Variants in RGP1 observed in about 807,000 individuals in gnomAD.
RGP1 encodes the protein RGP1 partner of RAB6A GEF complex.
In RGP1, 28 loss-of-function variants were observed where a neutral mutation model predicts 44.5. The observed-to-expected ratio is 0.63, with a 90% CI of 0.47 to 0.86. The LOEUF (loss-of-function observed/expected upper bound fraction) is 0.86, where lower values mean the gene tolerates loss of function less well. Ranked by LOEUF, RGP1 falls within the 40% of genes least tolerant of loss-of-function variation. The pLI is 0.00. For synonymous variants in RGP1, 212 were observed against 196.7 expected (o/e 1.08, Z -0.65); for missense variants, 417 against 490.7 (o/e 0.85, Z 1.42).
In RGP1 at chr9:35,750,573, G is replaced by C. The variant is rs890589139; in HGVS notation, c.254-85G>C. 206 of 1,464,604 alleles carry C rather than the reference G, an allele frequency of 1.4e-4. 1 individual carries two copies. The highest frequency in any genetic ancestry group is 2.4e-5 in the Non-Finnish European group (25 of 1,050,512). The allele number at this position is 1,464,604 out of a possible 1,614,324, so 90.7% of individuals were successfully genotyped here. ...CACAGCAGGGACGGAGGGCCTGGCA[G>C]CCTTTCACTATCTCCACTTGCCGTG... On this transcript the variant is annotated intron_variant, in intron 3 of 8. Transcript: ENST00000378078.
At chr9:35,770,833 T>C in the RGP1 span, among the ~76,000 whole-genome samples, 1 of 152,246 alleles carries the variant, frequency 6.6e-6, no homozygotes, top group Non-Finnish European at 1.5e-5. Flanking sequence ...GCTAAGCATC[T>C]CCCTAATAAA....
intron 4 of RGP1, 31 bp from the exon 5 acceptor site, chr9:35,750,809 C>T: frequency 6.2e-7 from 1 of 1,613,904 alleles, no homozygotes; most frequent in Non-Finnish European, 8.5e-7. Context: ...TCTGGTGCCT[C>T]TGGCTGTCCT....
In RGP1 at chr9:35,755,532, A is replaced by T. The variant is rs916598114; in HGVS notation, c.*2658A>T. ...AAACAATTTTTCCACCAGTGGATGG[A>T]GGGGGATAGCAGCGGGGAGATGATT... On this transcript the variant is annotated 3_prime_UTR_variant, in exon 9 of 9. Transcript: ENST00000378078. 1.3e-5 allele frequency: 2 copies of T among 152,228 alleles called. No individual in the cohort carries two copies. Among genetic ancestry groups the T allele is most frequent in the African/African-American group, 2.4e-5 (1 of 41,414 alleles). The allele number at this position is 152,228 out of a possible 1,614,324, so 9.4% of individuals were successfully genotyped here.
In RGP1 at chr9:35,755,285, G is replaced by A. The variant is rs1368813358; in HGVS notation, c.*2411G>A. The A allele has an allele frequency of 6.6e-6, 1 of 152,198 alleles. No individual in the cohort carries two copies. Among genetic ancestry groups the A allele is most frequent in the Non-Finnish European group, 1.5e-5 (1 of 68,038 alleles). 9.4% of individuals were successfully genotyped at this position (152,198 alleles called of 1,614,324 possible). ...GTGCAGTGCTCTTATCACCATCTCT[G>A]GTGCGTAAGCGTCAGGAAATAGCAG... On this transcript the variant is annotated 3_prime_UTR_variant, in exon 9 of 9. Coordinates refer to ENST00000378078, the MANE Select transcript of RGP1 (RefSeq NM_001080496.3).
At position 35,751,969 on chromosome 9, in the gene RGP1, T is replaced by G; in HGVS notation, c.776T>G (p.Leu259Ter). The change falls in exon 8 of 9, where the codon TTA (leucine) becomes TGA (stop). Residue 259 changes from leucine to a stop codon, truncating the protein, a stop_gained. Coordinates refer to ENST00000378078, the MANE Select transcript of RGP1 (RefSeq NM_001080496.3). LOFTEE classifies it high-confidence loss of function. ...TVACLQFSVS[L>*]QTEERVQPEY... ...TCTTGCTCCCAGTTTTCAGTCAGCT[T>G]ACAGACCGAGGAGCGTGTACAGCCT... 2 of 1,578,026 alleles carry G rather than the reference T, an allele frequency of 1.3e-6. No individual in the cohort carries two copies. Among genetic ancestry groups the G allele is most frequent in the Non-Finnish European group, 1.7e-6 (2 of 1,161,406 alleles).
At chr9:35,765,291 G>A in the RGP1 span, among the ~76,000 whole-genome samples, 1 of 152,174 alleles carries the variant, frequency 6.6e-6, no homozygotes, top group Non-Finnish European at 1.5e-5. Flanking sequence ...ACATATGTTT[G>A]CATTTTTTTA....
the RGP1 span, chr9:35,780,365 G>T: frequency 1.3e-5 from 2 of 152,212 alleles, no homozygotes; most frequent in African/African-American, 4.8e-5. Context: ...AAAGGGAGCA[G>T]AGTGTTATGG....
rs1455574436 is a variant in RGP1, at chr9:35,755,177, T to C, written c.*2303T>C. On this transcript the variant is annotated 3_prime_UTR_variant, in exon 9 of 9. Coordinates refer to ENST00000378078, the MANE Select transcript of RGP1 (RefSeq NM_001080496.3). The stretch of plus-strand genomic sequence containing the variant: ...TGTAACCTGGTCAGATTACTTCACC[T>C]CTCTGAGCCTGTTTCCTCATCTATA... 2 of 152,174 alleles carry C rather than the reference T, an allele frequency of 1.3e-5. No individual in the cohort carries two copies. The highest frequency in any genetic ancestry group is 2.9e-5 in the Non-Finnish European group (2 of 68,044). The allele number at this position is 152,174 out of a possible 1,614,324, so 9.4% of individuals were successfully genotyped here.
chr9:35,789,251 C>G, the RGP1 span, among the ~76,000 whole-genome samples: 3 of 151,812 alleles, frequency 2.0e-5, no homozygotes, highest in African/African-American at 4.8e-5. Flanking sequence ...CTCCTGACCT[C>G]AAACAATCCT....
chr9:35,782,661 GT>G, the RGP1 span, among the ~76,000 whole-genome samples: 1 of 152,066 alleles, frequency 6.6e-6, no homozygotes, highest in African/African-American at 2.4e-5. Context: ...GGTCAGGCTG[GT>G]CTCAAACTCC....
At chr9:35,773,721 C>T in the RGP1 span, among the ~76,000 whole-genome samples, 4 of 151,852 alleles carry the variant, frequency 2.6e-5, no homozygotes, top group African/African-American at 4.8e-5. Context: ...AGGCTGGTCT[C>T]GAACTCCTGA....
chr9:35,758,549 A>T lies in RGP1; in HGVS notation c.*5675A>T, dbSNP rs1563975747. ...TAAACTCTGCATTGCCTTTGGTCCCAAACAAGCAAATCTGGGTCAATTAAT... is the reference window on the plus strand; with the variant it reads ...TAAACTCTGCATTGCCTTTGGTCCCTAACAAGCAAATCTGGGTCAATTAAT... On this transcript the variant is annotated 3_prime_UTR_variant, in exon 9 of 9. Coordinates refer to ENST00000378078, the MANE Select transcript of RGP1 (RefSeq NM_001080496.3). 6.6e-6 allele frequency: 1 copy of T among 152,234 alleles called. No homozygotes were observed. 9.4% of individuals were successfully genotyped at this position (152,234 alleles called of 1,614,324 possible). A position where few individuals can be genotyped will look rare whatever the true frequency, so the allele number is the denominator to read the frequency against.
the RGP1 span, among the ~76,000 whole-genome samples, chr9:35,764,685 C>G: frequency 6.6e-6 from 1 of 152,156 alleles, no homozygotes; most frequent in Non-Finnish European, 1.5e-5. Flanking sequence ...TTACTCCTCA[C>G]TCATTGCAAT....
chr9:35,781,884 A>C, the RGP1 span, among the ~76,000 whole-genome samples: 1 of 151,902 alleles, frequency 6.6e-6, no homozygotes, highest in Non-Finnish European at 1.5e-5. Flanking sequence ...AATTACAATT[A>C]GCTGAGTGCC....
At chr9:35,751,145 T>G (rs1827253766) in intron 5 of RGP1, 121 bp from the exon 6 acceptor site, 1 of 1,458,134 alleles carries the variant, frequency 6.9e-7, no homozygotes, top group Non-Finnish European at 9.4e-7. Context: ...GAGATAGAGA[T>G]GTAAACCTCA....
At chr9:35,787,988 G>C in the RGP1 span, among the ~76,000 whole-genome samples, 1 of 152,356 alleles carries the variant, frequency 6.6e-6, no homozygotes, top group East Asian at 1.9e-4. Context: ...TGGGAGGCAT[G>C]ATCTGGTGTA....
At chr9:35,779,954 T>C in the RGP1 span, among the ~76,000 whole-genome samples, 1 of 151,622 alleles carries the variant, frequency 6.6e-6, no homozygotes, top group African/African-American at 2.4e-5. Flanking sequence ...CCCAGGCTGG[T>C]CTCAAACTCC....
rs113827764 is a variant in RGP1, at chr9:35,749,547, T to C, written c.-20+139T>C. On this transcript the variant is annotated intron_variant, in intron 1 of 8. Coordinates refer to ENST00000378078, the MANE Select transcript of RGP1 (RefSeq NM_001080496.3). The surrounding 1 kb of genome is among the most constrained non-coding windows in gnomAD (Gnocchi z 4.4). Reference sequence around the variant, plus strand: ...GGCTGGGGTCTAGGGCCCAGAGCGATGTCCTCCCCCTGGGCAGTACTGAGT... The same window carrying C: ...GGCTGGGGTCTAGGGCCCAGAGCGACGTCCTCCCCCTGGGCAGTACTGAGT... The C allele has an allele frequency of 0.02, 13,537 of 680,676 alleles. 1,096 individuals carry two copies. The highest frequency in any genetic ancestry group is 0.2 in the African/African-American group (10,993 of 56,228). The allele number at this position is 680,676 out of a possible 1,614,324, so 42.2% of individuals were successfully genotyped here.
At chr9:35,777,127 C>CTTTTTT in the RGP1 span, among the ~76,000 whole-genome samples, 1 of 82,312 alleles carries the variant, frequency 1.2e-5, no homozygotes, top group Non-Finnish European at 2.2e-5. Context: ...AGGTGTTTTT[C>CTTTTTT]TTTTTTTTTT....
Sources: gnomAD v4.1 joint callset for allele counts (sites outside exome capture counted in the v4.1 genomes callset) on GRCh38, gnomAD v4.1.1 for gene constraint, Gnocchi (gnomAD v3.1) non-coding constraint, MANE v1.5 for transcripts, NCBI Gene and HGNC (gene_info 2026-07-23, HGNC 2026-07-21) for gene names.